ACSBG1: variants seen among roughly 807,000 people sequenced by gnomAD.
The protein encoded by ACSBG1 is acyl-CoA synthetase bubblegum family member 1, also known as long-chain-fatty-acid--CoA ligase ACSBG1.
ACSBG1 carries 39 observed loss-of-function variants against 80.2 expected under a neutral mutation model. That is an observed-to-expected ratio of 0.49 (90% CI 0.38 to 0.64). The LOEUF is 0.64. Ranked by LOEUF, ACSBG1 falls within the 30% of genes least tolerant of loss-of-function variation. The pLI, the probability that ACSBG1 is intolerant of heterozygous loss-of-function variation, is 0.00. For missense variants in ACSBG1, 828 were observed against 966.4 expected (o/e 0.86, Z 1.90); for synonymous variants, 392 against 379.5 (o/e 1.03, Z -0.38).
chr15:78,173,341 T>C (rs1355670788), intron 13 of ACSBG1, among the ~76,000 whole-genome samples: 1 of 51,094 alleles, frequency 2.0e-5, no homozygotes, highest in African/African-American at 9.2e-5. Context: ...CGAGACTCCA[T>C]CTCAAAAAAA....
At chr15:78,224,706 G>A (rs973199495) in intron 1 of ACSBG1, among the ~76,000 whole-genome samples, 18 of 151,308 alleles carry the variant, frequency 1.2e-4, no homozygotes, top group South Asian at 4.2e-4. Context: ...GGGCGACAGA[G>A]CGAGACTCCG....
In ACSBG1 at chr15:78,194,533, G is replaced by A; in HGVS notation, c.426C>T (p.Ala142=). The A allele has an allele frequency of 6.2e-7, 1 of 1,614,232 alleles. No individual in the cohort carries two copies. Among genetic ancestry groups the A allele is most frequent in the Non-Finnish European group, 8.5e-7 (1 of 1,180,040 alleles). Residue 142 remains alanine, a synonymous_variant, in exon 3 of 14, where the codon GCC becomes GCT. Transcript: ENST00000258873. ...HISYSQYYLL[A]RRAAKGFLKL... is the part of the protein sequence containing the mutation. ...TCAGGAAGCCCTTGGCGGCTCTGCGGGCGAGCAGGTAGTATTGGGAGTAGG... is the reference window on the plus strand; with the variant it reads ...TCAGGAAGCCCTTGGCGGCTCTGCGAGCGAGCAGGTAGTATTGGGAGTAGG...
chr15:78,212,113 C>G (rs144754325), intron 1 of ACSBG1, among the ~76,000 whole-genome samples: 5 of 152,214 alleles, frequency 3.3e-5, no homozygotes, highest in African/African-American at 1.2e-4. Flanking sequence ...TCTTCTCACT[C>G]AGCCTTCAGC....
intron 2 of ACSBG1, among the ~76,000 whole-genome samples, chr15:78,203,012 A>G (rs2075182584): frequency 6.6e-6 from 1 of 152,246 alleles, no homozygotes; most frequent in South Asian, 2.1e-4. Context: ...ATTTAATGAC[A>G]TATGGAAATG....
intron 1 of ACSBG1, among the ~76,000 whole-genome samples, chr15:78,225,371 A>G (rs575881115): frequency 4.9e-4 from 74 of 151,860 alleles, no homozygotes; most frequent in Non-Finnish European, 9.1e-4. Flanking sequence ...ATTGCACTAC[A>G]ACCTGAGCAA....
chr15:78,230,447 C>T (rs1445534037), intron 1 of ACSBG1, among the ~76,000 whole-genome samples: 1 of 152,198 alleles, frequency 6.6e-6, no homozygotes, highest in Non-Finnish European at 1.5e-5. Flanking sequence ...GAAGATAAGC[C>T]CCTCTCAGGC....
rs1359532657 is a variant in ACSBG1, at chr15:78,192,837, TC to T, written c.663+668del. 6.6e-5 allele frequency among the ~76,000 whole-genome samples: 10 copies of T among 152,230 alleles called. No individual in the cohort carries two copies. In the South Asian group the frequency reaches 2.1e-3, roughly 32 times the overall value. ...AGCCAACAAGTCAGTCTCTGAGGAC[TC>T]CCTTGGGATGCAGGGAGCCCTTGAA... On this transcript the variant is annotated intron_variant, in intron 5 of 13. Transcript: ENST00000258873.
chr15:78,231,120 AT>A (rs961398772), intron 1 of ACSBG1, among the ~76,000 whole-genome samples: 4 of 151,148 alleles, frequency 2.6e-5, no homozygotes, highest in South Asian at 2.1e-4. Context: ...CATCTGGCTA[AT>A]TTTTTTTTCT....
intron 7 of ACSBG1, 142 bp from the exon 8 acceptor site, chr15:78,182,287 T>A: frequency 1.5e-6 from 2 of 1,315,382 alleles, no homozygotes. Flanking sequence ...AGGACAGGCC[T>A]CCCCTCCCCC....
rs373494504 is a variant in ACSBG1, at chr15:78,182,451, G to A, written c.894+15C>T. ...CCCCTTGCACCCCCCCCACCCCACC[G>A]GGCATCTGTCCTACATTGTCTTGAC... is the stretch of plus-strand genomic sequence containing the variant. On this transcript the variant is annotated intron_variant, in intron 7 of 13. Transcript: ENST00000258873. 98 of 1,607,382 alleles carry A rather than the reference G, an allele frequency of 6.1e-5. No individual in the cohort carries two copies. Among genetic ancestry groups the A allele is most frequent in the South Asian group, 3.3e-4 (30 of 90,822 alleles).
At chr15:78,188,525 T>C (rs201714225) in intron 5 of ACSBG1, among the ~76,000 whole-genome samples, 5,932 of 144,482 alleles carry the variant, frequency 0.041, 107 homozygotes, top group East Asian at 0.14. Context: ...ACACCGCATA[T>C]CTACAACTAT....
chr15:78,182,295 C>T (rs1170283665), intron 7 of ACSBG1, 150 bp from the exon 8 acceptor site: 4 of 1,320,624 alleles, frequency 3.0e-6, no homozygotes, highest in Non-Finnish European at 4.1e-6. Context: ...CCTCCCCTCC[C>T]CCTTGCTGAG....
chr15:78,205,877 T>C (rs1057343206), intron 2 of ACSBG1, among the ~76,000 whole-genome samples: 1 of 152,130 alleles, frequency 6.6e-6, no homozygotes, highest in Non-Finnish European at 1.5e-5. Context: ...TCCCCCTTCT[T>C]GTACAGAGAC....
At position 78,229,893 on chromosome 15, in the gene ACSBG1, G is replaced by A. The variant is rs1460506397; in HGVS notation, c.131+4478C>T. Reference sequence around the variant, plus strand: ...CACGTCAGCCTCTCTAGGCCCAGGAGTTAGCCGGTCCCCAACCTGACCAGT... The same window carrying A: ...CACGTCAGCCTCTCTAGGCCCAGGAATTAGCCGGTCCCCAACCTGACCAGT... On this transcript the variant is annotated intron_variant, in intron 1 of 13. Coordinates refer to ENST00000258873, the MANE Select transcript of ACSBG1 (RefSeq NM_015162.5). Among the ~76,000 whole-genome samples the A allele has an allele frequency of 2.0e-5, 3 of 152,162 alleles. No individual in the cohort carries two copies. The East Asian group carries it at 5.8e-4, about 29-fold the overall frequency.
chr15:78,213,400 G>A (rs2075283040), intron 1 of ACSBG1: 1 of 152,330 alleles, frequency 6.6e-6, no homozygotes, highest in African/African-American at 2.4e-5. Flanking sequence ...GGTAGAGGGT[G>A]TGCCTGGGGG....
intron 4 of ACSBG1, 100 bp downstream of exon 4, chr15:78,193,831 TG>T: frequency 6.8e-7 from 1 of 1,478,306 alleles, no homozygotes; most frequent in Non-Finnish European, 9.2e-7. Flanking sequence ...GGCAGGATGG[TG>T]GGGAGTGGGT....
At position 78,219,406 on chromosome 15, in the gene ACSBG1, CAAA is replaced by C. The variant is rs34636353; in HGVS notation, c.132-11307_132-11305del. 6.5e-3 allele frequency among the ~76,000 whole-genome samples: 776 copies of C among 119,680 alleles called. 8 individuals are homozygous for C. The highest frequency in any genetic ancestry group is 0.018 in the African/African-American group (561 of 31,820). 78.5% of individuals were successfully genotyped at this position (119,680 alleles called of 152,430 possible). ...TGGGTGACAGAGTAAGGCTTTGTCT[CAAA>C]AAAAAAAAAAAAAAAAGTGAACTTG... On this transcript the variant is annotated intron_variant, in intron 1 of 13. Transcript: ENST00000258873.
intron 1 of ACSBG1, among the ~76,000 whole-genome samples, chr15:78,215,783 A>G (rs1041177748): frequency 5.4e-5 from 8 of 149,378 alleles, no homozygotes; most frequent in African/African-American, 2.0e-4. Context: ...AGAAAGAAAG[A>G]AAGAGAAAGA....
At chr15:78,174,964 C>T (rs1172272687) in intron 11 of ACSBG1, among the ~76,000 whole-genome samples, 1 of 152,236 alleles carries the variant, frequency 6.6e-6, no homozygotes, top group Non-Finnish European at 1.5e-5. Context: ...ATGAAGCAGA[C>T]ACTCTTATTG....
Sources: allele counts gnomAD v4.1 joint callset (sites outside exome capture counted in the v4.1 genomes callset), GRCh38; gene constraint gnomAD v4.1.1; transcripts MANE v1.5; gene names NCBI Gene and HGNC (gene_info 2026-07-23, HGNC 2026-07-21).